Variants in ANKRD17 observed in about 807,000 individuals in gnomAD.
ANKRD17 encodes the protein ankyrin repeat domain 17.
A neutral mutation model predicts 229.7 loss-of-function variants in ANKRD17; 19 were observed. That is an observed-to-expected ratio of 0.08 (90% CI 0.06 to 0.12). The LOEUF (loss-of-function observed/expected upper bound fraction) is 0.12. Ranked by LOEUF, ANKRD17 falls within the 10% of genes least tolerant of loss-of-function variation. The pLI is 1.00. For missense variants in ANKRD17, 2,176 were observed against 3,176.8 expected (o/e 0.68, Z 7.57); for synonymous variants, 1,112 against 1,146.1 (o/e 0.97, Z 0.60).
At chr4:73,111,006 T>C (rs1725248269) in intron 24 of ANKRD17, among the ~76,000 whole-genome samples, 1 of 152,152 alleles carries the variant, frequency 6.6e-6, no homozygotes, top group Non-Finnish European at 1.5e-5. Flanking sequence ...GGAAATGACA[T>C]TGGTGTATTG....
At chr4:73,171,632 A>G (rs1337664430) in intron 2 of ANKRD17, among the ~76,000 whole-genome samples, 1 of 152,206 alleles carries the variant, frequency 6.6e-6, no homozygotes, top group Non-Finnish European at 1.5e-5. Context: ...AGAAAAATCA[A>G]AACAGTATTG....
chr4:73,197,088 C>T (rs2149090563), intron 1 of ANKRD17, among the ~76,000 whole-genome samples: 1 of 152,170 alleles, frequency 6.6e-6, no homozygotes, highest in East Asian at 1.9e-4. Flanking sequence ...GAGCCACCAA[C>T]TCCCTACCAA....
intron 1 of ANKRD17, among the ~76,000 whole-genome samples, chr4:73,192,156 A>G (rs1223840402): frequency 4.6e-5 from 7 of 151,994 alleles, no homozygotes; most frequent in African/African-American, 2.4e-5. Flanking sequence ...TTTCCCCCCA[A>G]TTTATTGTCT....
intron 5 of ANKRD17, among the ~76,000 whole-genome samples, chr4:73,154,812 C>T (rs1016896137): frequency 3.2e-4 from 48 of 152,116 alleles, no homozygotes; most frequent in African/African-American, 9.6e-4. Context: ...GAGGCCGAGG[C>T]GGGCGGATCA....
intron 1 of ANKRD17, among the ~76,000 whole-genome samples, chr4:73,244,334 T>A (rs1398078434): frequency 2.0e-5 from 3 of 152,164 alleles, no homozygotes; most frequent in Non-Finnish European, 2.9e-5. Flanking sequence ...TGAGCCACAG[T>A]AGATCTTGTA....
intron 1 of ANKRD17, among the ~76,000 whole-genome samples, chr4:73,190,801 C>T (rs1446849207): frequency 6.6e-6 from 1 of 151,182 alleles, no homozygotes; most frequent in Non-Finnish European, 1.5e-5. Context: ...TAATTCACAA[C>T]AACAAAAACA....
At chr4:73,156,216 T>C (rs28548616) in intron 3 of ANKRD17, 50 bp from the exon 4 acceptor site, 4 of 1,529,116 alleles carry the variant, frequency 2.6e-6, no homozygotes, top group East Asian at 2.3e-5. Context: ...TATTAAAAAA[T>C]TGCACAGCAT....
At chr4:73,160,455 G>A (rs1164713721) in intron 3 of ANKRD17, among the ~76,000 whole-genome samples, 2 of 152,032 alleles carry the variant, frequency 1.3e-5, no homozygotes, top group Non-Finnish European at 2.9e-5. Flanking sequence ...CTGACCTCAG[G>A]TGATCCGCCC....
chr4:73,088,403 T>C (rs904296369), intron 29 of ANKRD17, among the ~76,000 whole-genome samples: 1 of 152,184 alleles, frequency 6.6e-6, no homozygotes, highest in African/African-American at 2.4e-5. Flanking sequence ...TCATCAACTA[T>C]ACACTCCCTA....
At chr4:73,187,095 T>G (rs1242486745) in intron 1 of ANKRD17, among the ~76,000 whole-genome samples, 1 of 152,160 alleles carries the variant, frequency 6.6e-6, no homozygotes, top group Non-Finnish European at 1.5e-5. Flanking sequence ...GGGGTCAGAC[T>G]GACATCAGAC....
intron 1 of ANKRD17, among the ~76,000 whole-genome samples, chr4:73,257,364 G>A (rs1745542035): frequency 6.6e-6 from 1 of 152,144 alleles, no homozygotes; most frequent in South Asian, 2.1e-4. Flanking sequence ...TGTGGACCCA[G>A]GAAAAATTAT....
intron 1 of ANKRD17, among the ~76,000 whole-genome samples, chr4:73,230,058 G>C (rs376410688): frequency 2.6e-5 from 4 of 152,172 alleles, no homozygotes; most frequent in East Asian, 3.9e-4. Flanking sequence ...TCTTGGCATA[G>C]ATTCCAGGTC....
chr4:73,182,029 C>A (rs1735628689), intron 1 of ANKRD17, among the ~76,000 whole-genome samples: 1 of 103,736 alleles, frequency 9.6e-6, no homozygotes, highest in African/African-American at 3.9e-5. Context: ...GCCTGGGCGA[C>A]AGAGCAAGAC....
At chr4:73,096,293 G>A (rs1489360867) in intron 27 of ANKRD17, among the ~76,000 whole-genome samples, 1 of 152,112 alleles carries the variant, frequency 6.6e-6, no homozygotes, top group African/African-American at 2.4e-5. Context: ...TATCTTATTA[G>A]TGTATAGAGA....
At chr4:73,150,879 G>C (rs1268422347) in intron 7 of ANKRD17, among the ~76,000 whole-genome samples, 4 of 152,004 alleles carry the variant, frequency 2.6e-5, no homozygotes. Context: ...ACAATCTAGG[G>C]CTCAGAAAAG....
chr4:73,147,846 AT>A (rs1445746350), intron 8 of ANKRD17, among the ~76,000 whole-genome samples: 4 of 151,736 alleles, frequency 2.6e-5, no homozygotes, highest in Admixed American at 2.6e-4. Context: ...TTATTTAGGT[AT>A]TATTATTATT....
intron 28 of ANKRD17, 32 bp downstream of exon 28, chr4:73,094,047 A>G: frequency 1.2e-6 from 2 of 1,605,746 alleles, no homozygotes; most frequent in South Asian, 2.2e-5. Flanking sequence ...GCAATAAAAT[A>G]AAGGAAGAAA....
chr4:73,172,267 T>C (rs1734140022), intron 2 of ANKRD17, among the ~76,000 whole-genome samples: 1 of 152,142 alleles, frequency 6.6e-6, no homozygotes, highest in African/African-American at 2.4e-5. Context: ...GAGAGTGGCA[T>C]GACATAAAGT....
intron 24 of ANKRD17, chr4:73,102,798 A>G (rs1312187170): frequency 2.5e-6 from 1 of 406,000 alleles, no homozygotes; most frequent in African/African-American, 2.1e-5. Flanking sequence ...ATAGCTTTTA[A>G]TCATTAAGGA....
Sources: allele counts gnomAD v4.1 joint callset (sites outside exome capture counted in the v4.1 genomes callset), GRCh38; gene constraint gnomAD v4.1.1; transcripts MANE v1.5; gene names NCBI Gene and HGNC (gene_info 2026-07-23, HGNC 2026-07-21).